The following MUC22 variants were observed in gnomAD, a reference collection of about 807,000 sequenced individuals.
MUC22 encodes the protein mucin-22.
MUC22 carries 24 observed loss-of-function variants against 40.3 expected under a neutral mutation model. The ratio of observed to expected loss-of-function variants is 0.60; its 90% CI spans 0.43 to 0.84. The LOEUF (loss-of-function observed/expected upper bound fraction) is 0.84. Among genes scored for constraint, MUC22 ranks in the 40% least tolerant of loss-of-function variants. MUC22 has a pLI of 0.00. For synonymous variants in MUC22, 765 were observed against 844.5 expected (o/e 0.91, Z 1.63); for missense variants, 1,926 against 2,130.7 (o/e 0.90, Z 1.89).
At chr6:31,008,927 T>C (rs1358772225), upstream of MUC22, among the ~76,000 whole-genome samples, 2 of 152,230 alleles carry the variant, frequency 1.3e-5, no homozygotes, top group Non-Finnish European at 2.9e-5. Flanking sequence ...GCGTGTACAA[T>C]GTGTTGATTT....
chr6:31,021,934 T>C (rs931515932), intron 1 of MUC22, among the ~76,000 whole-genome samples: 3 of 152,168 alleles, frequency 2.0e-5, no homozygotes, highest in East Asian at 1.9e-4. Flanking sequence ...ACTGTTTTTA[T>C]GATCTGTAAC....
At chr6:31,013,337 G>A (rs1195575582) in intron 1 of MUC22, among the ~76,000 whole-genome samples, 1 of 151,754 alleles carries the variant, frequency 6.6e-6, no homozygotes, top group African/African-American at 2.4e-5. Flanking sequence ...GTGTTGCCCA[G>A]GCTGGACTCG....
At chr6:31,013,808 C>G (rs577737524) in intron 1 of MUC22, among the ~76,000 whole-genome samples, 2 of 152,188 alleles carry the variant, frequency 1.3e-5, no homozygotes, top group African/African-American at 4.8e-5. Context: ...GGATTACAGG[C>G]GTGAGCCATT....
rs1262795765 is a variant in MUC22 at position 31,011,529 on chromosome 6, TC to T, written c.70+755del. On this transcript the variant is annotated intron_variant, in intron 1 of 3. Coordinates refer to ENST00000561890, the Ensembl canonical transcript of MUC22. The surrounding 1 kb of genome is among the most constrained non-coding windows in gnomAD (Gnocchi z 4.5). ...GTCACTGCAAATGCCATTAATTCAT[TC>T]CTTTTTATGGCTGAGTAGTATTCCA... Among the ~76,000 whole-genome samples, 1 of 152,236 alleles carries T rather than the reference TC, an allele frequency of 6.6e-6. No homozygotes were observed. Among genetic ancestry groups the T allele is most frequent in the African/African-American group, 2.4e-5 (1 of 41,452 alleles).
chr6:31,007,817 C>T (rs973500638), upstream of MUC22, among the ~76,000 whole-genome samples: 2 of 152,182 alleles, frequency 1.3e-5, no homozygotes, highest in Admixed American at 6.5e-5. This position sits in a 1 kb window ranked among gnomAD's most constrained non-coding sequence, Gnocchi z 4.0. Context: ...TCTTTCCTTC[C>T]TAGTCATCAG....
chr6:31,019,176 A>C (rs953403742), intron 1 of MUC22, among the ~76,000 whole-genome samples: 3 of 148,054 alleles, frequency 2.0e-5, no homozygotes, highest in Non-Finnish European at 4.5e-5. Context: ...GATAAATAGA[A>C]CTAATTTCCA....
At chr6:31,016,881 C>T (rs1764249275) in intron 1 of MUC22, among the ~76,000 whole-genome samples, 1 of 152,140 alleles carries the variant, frequency 6.6e-6, no homozygotes, top group Non-Finnish European at 1.5e-5. Flanking sequence ...GGGCCCCACA[C>T]TCTGAGCCTC....
intron 1 of MUC22, among the ~76,000 whole-genome samples, chr6:31,020,731 C>T (rs142803174): frequency 6.6e-6 from 1 of 152,128 alleles, no homozygotes; most frequent in Non-Finnish European, 1.5e-5. Context: ...GGGAGAGGTG[C>T]GAGCGGGAAC....
At chr6:31,007,927 C>A (rs1177968979), upstream of MUC22, among the ~76,000 whole-genome samples, 1 of 152,170 alleles carries the variant, frequency 6.6e-6, no homozygotes. This position sits in a 1 kb window ranked among gnomAD's most constrained non-coding sequence, Gnocchi z 4.0. Flanking sequence ...TTAATTTTCC[C>A]GACATGTCCC....
At chr6:31,013,318 G>A (rs1168266842) in intron 1 of MUC22, among the ~76,000 whole-genome samples, 1 of 151,812 alleles carries the variant, frequency 6.6e-6, no homozygotes, top group African/African-American at 2.4e-5. Flanking sequence ...GTAGAGACGG[G>A]GTTTCATTGT....
chr6:31,030,323 C>T (rs1264472059), intron 2 of MUC22, among the ~76,000 whole-genome samples: 2 of 152,156 alleles, frequency 1.3e-5, no homozygotes, highest in African/African-American at 4.8e-5. Flanking sequence ...TGAGACCATC[C>T]TGGCTAACAC....
intron 2 of MUC22, 26 bp downstream of exon 2, chr6:31,030,126 G>T: frequency 6.7e-7 from 1 of 1,486,632 alleles, no homozygotes; most frequent in Non-Finnish European, 8.9e-7. Context: ...TCTTCTTTGA[G>T]CCCACACATT....
upstream of MUC22, among the ~76,000 whole-genome samples, chr6:31,008,337 C>T (rs1460978990): frequency 2.0e-5 from 3 of 152,102 alleles, no homozygotes; most frequent in South Asian, 4.1e-4. Context: ...CCAGATGGAA[C>T]GAGAGGGAGC....
At chr6:31,010,556 C>A (rs563826007) in exon 1 of MUC22, 9 of 616,712 alleles carry the variant, frequency 1.5e-5, no homozygotes, top group African/African-American at 1.3e-4. Flanking sequence ...CAAGGCTTAC[C>A]CTGGCACTGG....
exon 2 of MUC22, chr6:31,027,998 C>A: frequency 1.3e-6 from 2 of 1,533,220 alleles, no homozygotes; most frequent in Non-Finnish European, 1.7e-6. Context: ...TCTGAGAACA[C>A]CACAGCATCT....
exon 2 of MUC22, chr6:31,026,346 T>C (rs1360461943): frequency 6.6e-7 from 1 of 1,507,422 alleles, no homozygotes; most frequent in Non-Finnish European, 8.9e-7. Context: ...CCACAGGCTC[T>C]CAGACCACCA....
At chr6:31,006,794 G>A (rs1438832807), upstream of MUC22, among the ~76,000 whole-genome samples, 1 of 152,152 alleles carries the variant, frequency 6.6e-6, no homozygotes, top group African/African-American at 2.4e-5. Flanking sequence ...AGTTCGTAGA[G>A]CAGGAGGAAC....
upstream of MUC22, among the ~76,000 whole-genome samples, chr6:31,006,999 A>C (rs1763563841): frequency 6.6e-6 from 1 of 152,190 alleles, no homozygotes. Flanking sequence ...AAAGTAAAAT[A>C]AAATTTAAAA....
intron 1 of MUC22, among the ~76,000 whole-genome samples, chr6:31,020,032 G>A (rs1355458522): frequency 6.6e-6 from 1 of 152,094 alleles, no homozygotes; most frequent in African/African-American, 2.4e-5. Context: ...CAGAAAAAAA[G>A]GGAACCGAAA....
Sources: gnomAD v4.1 joint callset for allele counts (sites outside exome capture counted in the v4.1 genomes callset) on GRCh38, gnomAD v4.1.1 for gene constraint, Gnocchi (gnomAD v3.1) non-coding constraint, MANE v1.5 for transcripts, NCBI Gene and HGNC (gene_info 2026-07-23, HGNC 2026-07-21) for gene names.